FBN3: variants seen among roughly 807,000 people sequenced by gnomAD.
FBN3 encodes the protein fibrillin 3.
Under a neutral mutation model 330.1 loss-of-function variants are expected in FBN3, and 234 were observed. That is an observed-to-expected ratio of 0.71 (90% CI 0.64 to 0.79). The LOEUF is 0.79. FBN3 is among the 30% of genes least tolerant of loss of function. FBN3 has a pLI of 0.00. For synonymous variants in FBN3, 1,458 were observed against 1,517.3 expected (o/e 0.96, Z 0.91); for missense variants, 3,606 against 3,886.9 (o/e 0.93, Z 1.92).
rs764047610 is a variant in FBN3 at position 8,087,861 on chromosome 19, C to T, written c.6583G>A (p.Gly2195Ser). 15 of 1,613,982 alleles carry T rather than the reference C, an allele frequency of 9.3e-6. No homozygotes were observed. Among genetic ancestry groups the T allele is most frequent in the Admixed American group, 1.7e-5 (1 of 59,994 alleles). The change falls in exon 53 of 64, where the codon GGC (glycine) becomes AGC (serine). Residue 2195 changes from glycine to serine, a missense_variant. Transcript: ENST00000600128. ...GCCCCATCCTCCCGCAGGGTGTAGC[C>T]GGCTGGACAGGTGCACAGGTAGGAG... The part of the protein sequence containing the change: ...EGSYLCTCPA[G>S]YTLREDGAMC...
intron 63 of FBN3, among the ~76,000 whole-genome samples, chr19:8,069,624 C>T (rs1216414256): frequency 6.6e-6 from 1 of 152,156 alleles, no homozygotes; most frequent in Non-Finnish European, 1.5e-5. Context: ...GTCTGTCTGT[C>T]ACCCAGGCTG....
intron 5 of FBN3, 44 bp downstream of exon 5, chr19:8,145,799 C>A: frequency 1.4e-6 from 2 of 1,419,876 alleles, no homozygotes; most frequent in Admixed American, 2.0e-5. Context: ...TCTGGGATCA[C>A]AGTCCCAGGT....
At chr19:8,118,071 GCA>G (rs1186093051) in intron 26 of FBN3, among the ~76,000 whole-genome samples, 3 of 151,192 alleles carry the variant, frequency 2.0e-5, no homozygotes, top group African/African-American at 4.9e-5. Flanking sequence ...ACACCCATGT[GCA>G]CACTCACACA....
In FBN3 at chr19:8,086,246, G is replaced by T; in HGVS notation, c.6834C>A (p.Asp2278Glu). ...CVNTAGSFRCDCDEGFQPSPT... is the reference protein window; with the variant it reads ...CVNTAGSFRCECDEGFQPSPT... ...GGCTGGGCTGGAATCCCTCATCACA[G>T]TCGCACCGGAAGCTGCCCGCGGTGT... Residue 2278 changes from aspartate (D) to glutamate (E), a missense_variant, in exon 55 of 64, where the codon GAC becomes GAA. Coordinates refer to ENST00000600128, the MANE Select transcript of FBN3 (RefSeq NM_032447.5). The T allele has an allele frequency of 6.2e-7, 1 of 1,611,364 alleles. No individual in the cohort carries two copies. Among genetic ancestry groups the T allele is most frequent in the Non-Finnish European group, 8.5e-7 (1 of 1,178,562 alleles).
rs1324915630 is a variant in FBN3 at position 8,121,241 on chromosome 19, G to A, written c.3211+17C>T. On this transcript the variant is annotated intron_variant, in intron 25 of 63. Transcript: ENST00000600128. This position sits in a 1 kb window ranked among gnomAD's most constrained non-coding sequence, Gnocchi z 4.5. Reference sequence around the variant, plus strand: ...TGCCCAGGGCGCCCACCACACCCCTGCCCGGCAGTCACCGACCCATGCAGT... The same window carrying A: ...TGCCCAGGGCGCCCACCACACCCCTACCCGGCAGTCACCGACCCATGCAGT... The A allele has an allele frequency of 1.3e-6, 2 of 1,580,620 alleles. No individual in the cohort carries two copies. The highest frequency in any genetic ancestry group is 8.6e-7 in the Non-Finnish European group (1 of 1,160,562).
intron 41 of FBN3, 127 bp from the exon 42 acceptor site, chr19:8,097,541 A>G: frequency 1.8e-6 from 2 of 1,091,380 alleles, no homozygotes; most frequent in Non-Finnish European, 2.5e-6. Context: ...CACACACTCA[A>G]GAAAATCTTG....
chr19:8,085,630 T>A lies in FBN3; in HGVS notation c.6881-61A>T, dbSNP rs73922204. 6.2e-3 allele frequency: 8,263 copies of A among 1,341,620 alleles called. 411 individuals carry two copies. The African/African-American group carries it at 0.11, about 17-fold the overall frequency. 83.1% of individuals were successfully genotyped at this position (1,341,620 alleles called of 1,614,324 possible). A position where few individuals can be genotyped will look rare whatever the true frequency, so the allele number is the denominator to read the frequency against. On this transcript the variant is annotated intron_variant, in intron 55 of 63. Coordinates refer to ENST00000600128, the MANE Select transcript of FBN3 (RefSeq NM_032447.5). ...AGGAGGCTGGTTTGGGGGCAAAGACTGAGCTTGCTTTGGGGCAAGCTGTAT... is the reference window on the plus strand; with the variant it reads ...AGGAGGCTGGTTTGGGGGCAAAGACAGAGCTTGCTTTGGGGCAAGCTGTAT...
rs2082834894 is a variant in FBN3, at chr19:8,121,049, C to A, written c.3211+209G>T. Among the ~76,000 whole-genome samples the A allele has an allele frequency of 6.6e-6, 1 of 152,094 alleles. No individual in the cohort carries two copies. The highest frequency in any genetic ancestry group is 1.5e-5 in the Non-Finnish European group (1 of 68,014). ...GGGAGACCACACCCCAGTGTGCCGG[C>A]CACCCCCAGGTCTCAGGCCCCAGGT... On this transcript the variant is annotated intron_variant, in intron 25 of 63. Transcript: ENST00000600128. This position sits in a 1 kb window ranked among gnomAD's most constrained non-coding sequence, Gnocchi z 4.5.
chr19:8,089,695 A>G (rs776148372), intron 50 of FBN3, 25 bp from the exon 51 acceptor site: 16 of 1,612,732 alleles, frequency 9.9e-6, no homozygotes, highest in Non-Finnish European at 1.1e-5. Flanking sequence ...CGTTGCAGAC[A>G]TGGCTTCTGT....
chr19:8,132,643 C>G lies in FBN3; in HGVS notation c.1714+341G>C, dbSNP rs1354642181. Among the ~76,000 whole-genome samples the G allele has an allele frequency of 2.0e-5, 3 of 152,146 alleles. No homozygotes were observed. The East Asian group carries it at 5.8e-4, about 29-fold the overall frequency. On this transcript the variant is annotated intron_variant, in intron 14 of 63. Coordinates refer to ENST00000600128, the MANE Select transcript of FBN3 (RefSeq NM_032447.5). ...AGTAGCTGGGATTACAGGTGCCCACCACCATACCTGGCTAATTTTTGTATT... is the reference window on the plus strand; with the variant it reads ...AGTAGCTGGGATTACAGGTGCCCACGACCATACCTGGCTAATTTTTGTATT...
chr19:8,145,958 A>G lies in FBN3; in HGVS notation c.350-20T>C. On this transcript the variant is annotated intron_variant, in intron 4 of 63. Transcript: ENST00000600128. ...CTGACCCTGGGGACAGGAAGGCAGGACGCATAGTAATGTGGAGATGGGCCC... is the reference window on the plus strand; with the variant it reads ...CTGACCCTGGGGACAGGAAGGCAGGGCGCATAGTAATGTGGAGATGGGCCC... 6.5e-7 allele frequency: 1 copy of G among 1,547,014 alleles called. No homozygotes were observed. Among genetic ancestry groups the G allele is most frequent in the South Asian group, 1.2e-5 (1 of 83,966 alleles).
At chr19:8,116,822 T>C (rs1049918131) in intron 28 of FBN3, 23 bp from the exon 29 acceptor site, 4 of 1,609,742 alleles carry the variant, frequency 2.5e-6, no homozygotes, top group East Asian at 2.2e-5. Flanking sequence ...GGTTGGGGAC[T>C]GTGCTTAGCT....
intron 47 of FBN3, among the ~76,000 whole-genome samples, chr19:8,093,440 G>A (rs1246346410): frequency 2.0e-5 from 3 of 151,930 alleles, no homozygotes; most frequent in African/African-American, 7.3e-5. Flanking sequence ...TGGCTAACAT[G>A]GTGAAACCCC....
chr19:8,073,751 T>C (rs2081576916), intron 61 of FBN3, among the ~76,000 whole-genome samples: 1 of 152,170 alleles, frequency 6.6e-6, no homozygotes, highest in South Asian at 2.1e-4. Context: ...GCAACCATAG[T>C]GCACTGCAGC....
At chr19:8,132,750 C>T (rs1368107775) in intron 14 of FBN3, among the ~76,000 whole-genome samples, 1 of 152,208 alleles carries the variant, frequency 6.6e-6, no homozygotes. Context: ...CCTCGGCCTC[C>T]CAAGGTGCTG....
rs936172205 is a variant in FBN3 at position 8,121,853 on chromosome 19, G to A, written c.3083-467C>T. ...CAACTTCTGCCTCCCAGGATCAAGC[G>A]ATTCTCCTGCCTCAGCCTCCCGAGT... On this transcript the variant is annotated intron_variant, in intron 24 of 63. Transcript: ENST00000600128. This position sits in a 1 kb window ranked among gnomAD's most constrained non-coding sequence, Gnocchi z 4.5. Among the ~76,000 whole-genome samples, 2 of 152,028 alleles carry A rather than the reference G, an allele frequency of 1.3e-5. No individual in the cohort carries two copies. Among genetic ancestry groups the A allele is most frequent in the African/African-American group, 4.8e-5 (2 of 41,392 alleles).
Position 8,141,730 on chromosome 19 carries a change from G to A in FBN3, c.852C>T (p.Ser284=), listed in dbSNP as rs780754904. The A allele has an allele frequency of 2.4e-5, 38 of 1,613,658 alleles. No individual in the cohort carries two copies. In the East Asian group the frequency reaches 4.5e-4, roughly 19 times the overall value. ...CCAGTCACCCACCTTCACATGCGGCGCTGCTGTCACTGAGCCGGTGTCCAA... is the reference window on the plus strand; with the variant it reads ...CCAGTCACCCACCTTCACATGCGGCACTGCTGTCACTGAGCCGGTGTCCAA... ...CPVGHRLSDS[S]AACEDYRAGA... Residue 284 remains serine, a synonymous_variant, in exon 8 of 64, where the codon AGC becomes AGT. Coordinates refer to ENST00000600128, the MANE Select transcript of FBN3 (RefSeq NM_032447.5).
chr19:8,139,987 C>T (rs1318727104), intron 8 of FBN3, among the ~76,000 whole-genome samples: 1 of 151,920 alleles, frequency 6.6e-6, no homozygotes, highest in Non-Finnish European at 1.5e-5. Flanking sequence ...CAGGGTTTTT[C>T]GTTCTCAGCC....
At chr19:8,085,969 G>A (rs2081935108) in intron 55 of FBN3, among the ~76,000 whole-genome samples, 1 of 141,224 alleles carries the variant, frequency 7.1e-6, no homozygotes, top group African/African-American at 2.6e-5. Context: ...CTCCCAGACA[G>A]TGGGAGGGAC....
Sources: allele counts gnomAD v4.1 joint callset (sites outside exome capture counted in the v4.1 genomes callset), GRCh38; gene constraint gnomAD v4.1.1; non-coding constraint Gnocchi (gnomAD v3.1); transcripts MANE v1.5; gene names NCBI Gene and HGNC (gene_info 2026-07-23, HGNC 2026-07-21).